Variants in DNAH3 observed in about 807,000 individuals in gnomAD.
The protein encoded by DNAH3 is dynein axonemal heavy chain 3, also known as axonemal beta dynein heavy chain 3.
A neutral mutation model predicts 432.5 loss-of-function variants in DNAH3; 332 were observed. The ratio of observed to expected loss-of-function variants is 0.77; its 90% confidence interval spans 0.70 to 0.84. The LOEUF is 0.84. Ranked by LOEUF, DNAH3 falls within the 40% of genes least tolerant of loss-of-function variation. The pLI, the probability that DNAH3 is intolerant of heterozygous loss-of-function variation, is 0.00. For synonymous variants in DNAH3, 1,956 were observed against 1,900.2 expected (o/e 1.03, Z -0.76); for missense variants, 4,861 against 5,114.0 (o/e 0.95, Z 1.51).
chr16:20,978,300 GAGC>G (rs2085690653), intron 50 of DNAH3, among the ~76,000 whole-genome samples: 2 of 152,108 alleles, frequency 1.3e-5, no homozygotes. Flanking sequence ...AGGCCGAGGT[GAGC>G]AGATCACCTG....
intron 51 of DNAH3, among the ~76,000 whole-genome samples, chr16:20,974,462 G>A (rs1597015833): frequency 6.6e-6 from 1 of 151,830 alleles, no homozygotes; most frequent in South Asian, 2.1e-4. Flanking sequence ...GGATTGCAGT[G>A]GCACGATCCT....
intron 55 of DNAH3, among the ~76,000 whole-genome samples, chr16:20,954,425 G>T (rs552502985): frequency 1.3e-5 from 2 of 151,388 alleles, no homozygotes; most frequent in Non-Finnish European, 1.5e-5. Context: ...AAATAGCTGG[G>T]ATTATAGGCG....
chr16:20,998,595 T>C (rs1188621487), intron 43 of DNAH3, among the ~76,000 whole-genome samples: 2 of 151,818 alleles, frequency 1.3e-5, no homozygotes, highest in African/African-American at 4.8e-5. Context: ...GACAAGAATA[T>C]ATTAAGACTT....
At chr16:21,121,632 CG>C (rs1567827582) in intron 10 of DNAH3, among the ~76,000 whole-genome samples, 1 of 141,512 alleles carries the variant, frequency 7.1e-6, no homozygotes, top group African/African-American at 2.7e-5. Context: ...GATGGAGTCT[CG>C]CTCTGTCGCC....
intron 38 of DNAH3, 77 bp downstream of exon 38, chr16:21,026,941 CATTTGTGAA>C (rs2088594821): frequency 1.1e-6 from 1 of 928,976 alleles, no homozygotes; most frequent in Non-Finnish European, 1.7e-6. Context: ...GGCTTCATCA[CATTTGTGAA>C]ATTTGAGAGC....
At chr16:21,067,766 G>GTGGGGGGGGGA (rs1350001665) in intron 23 of DNAH3, among the ~76,000 whole-genome samples, 1 of 38,704 alleles carries the variant, frequency 2.6e-5, no homozygotes, top group African/African-American at 1.3e-4. Flanking sequence ...TTGGGGGGGG[G>GTGGGGGGGGGA]GGTGGGGAGG....
chr16:21,150,597 C>T (rs1419993453), intron 1 of DNAH3, 63 bp from the exon 2 acceptor site: 3 of 198,486 alleles, frequency 1.5e-5, no homozygotes, highest in Non-Finnish European at 3.1e-5. Context: ...TTCTGCTGCG[C>T]TTTTGGCTCT....
At chr16:21,082,844 TAAC>T (rs2091240649) in intron 19 of DNAH3, among the ~76,000 whole-genome samples, 1 of 148,668 alleles carries the variant, frequency 6.7e-6, no homozygotes, top group Non-Finnish European at 1.5e-5. Flanking sequence ...AAAAAAAAAT[TAAC>T]ACAAATGGCT....
Position 21,039,755 on chromosome 16 carries a change from C to T in DNAH3, c.4730+97G>A, listed in dbSNP as rs568557443. ...GCAGAAGCAAGTTTCTCAAGCTTCT[C>T]TCTCTTCTTCCAATGGGCAAACCAC... On this transcript the variant is annotated intron_variant, in intron 33 of 61. Coordinates refer to ENST00000261383, the Ensembl canonical transcript of DNAH3. 7.5e-6 allele frequency: 7 copies of T among 935,052 alleles called. No individual in the cohort carries two copies. The Admixed American group carries it at 1.2e-4, about 16-fold the overall frequency. 57.9% of individuals were successfully genotyped at this position (935,052 alleles called of 1,614,324 possible). A position where few individuals can be genotyped will look rare whatever the true frequency, so the allele number is the denominator to read the frequency against.
exon 53 of DNAH3, chr16:20,964,542 C>T (rs2084965861): frequency 3.7e-6 from 6 of 1,614,092 alleles, no homozygotes; most frequent in East Asian, 2.2e-5. Context: ...CGTTTTCCAG[C>T]ATCCTCATGT....
chr16:21,019,499 T>C, intron 41 of DNAH3, 125 bp downstream of exon 41: 2 of 1,034,322 alleles, frequency 1.9e-6, no homozygotes, highest in Non-Finnish European at 2.9e-6. Context: ...TACATATTTA[T>C]TAGCCACCGT....
intron 51 of DNAH3, among the ~76,000 whole-genome samples, chr16:20,974,165 G>A (rs1406566724): frequency 6.6e-6 from 1 of 152,014 alleles, no homozygotes; most frequent in Non-Finnish European, 1.5e-5. Flanking sequence ...GACCATAGGT[G>A]CATGCCACCA....
chr16:20,939,576 C>CACT (rs1439022358), intron 59 of DNAH3, among the ~76,000 whole-genome samples: 4 of 149,348 alleles, frequency 2.7e-5, no homozygotes, highest in Non-Finnish European at 1.5e-5. Flanking sequence ...CGCGCCACTG[C>CACT]ACTCCAGTCT....
exon 6 of DNAH3, chr16:21,136,335 A>G: frequency 6.2e-7 from 1 of 1,613,836 alleles, no homozygotes; most frequent in Non-Finnish European, 8.5e-7. Context: ...GATGCTTTTC[A>G]TGAGGCTACA....
chr16:20,979,346 T>A, exon 50 of DNAH3: 1 of 1,614,074 alleles, frequency 6.2e-7, no homozygotes, highest in Non-Finnish European at 8.5e-7. Context: ...AGCTGCAAAG[T>A]CGAGTTTCTG....
intron 25 of DNAH3, among the ~76,000 whole-genome samples, 165 bp from the exon 26 acceptor site, chr16:21,060,521 T>TC (rs1567719431): frequency 8.3e-6 from 1 of 120,678 alleles, no homozygotes; most frequent in Admixed American, 9.9e-5. Flanking sequence ...TTTCTTTTTT[T>TC]TTTTCTTTTT....
intron 61 of DNAH3, among the ~76,000 whole-genome samples, chr16:20,934,493 C>T (rs1446533791): frequency 6.6e-6 from 1 of 152,138 alleles, no homozygotes; most frequent in African/African-American, 2.4e-5. Context: ...AATCATCTAA[C>T]ACAAAGTCTG....
chr16:21,036,902 C>A lies in DNAH3; in HGVS notation c.4951-54G>T, dbSNP rs1247416815. On this transcript the variant is annotated intron_variant, in intron 34 of 61. Transcript: ENST00000261383. ...AAAGGATAAAGTATCAGATATATGACCTCAACATTTTCCTAAAATGAGATG... is the reference window on the plus strand; with the variant it reads ...AAAGGATAAAGTATCAGATATATGAACTCAACATTTTCCTAAAATGAGATG... The A allele has an allele frequency of 4.9e-6, 7 of 1,440,834 alleles. No individual in the cohort carries two copies. The East Asian group carries it at 1.4e-4, about 28-fold the overall frequency. The allele number at this position is 1,440,834 out of a possible 1,614,324, so 89.3% of individuals were successfully genotyped here.
chr16:21,054,209 A>T (rs1445337300), intron 28 of DNAH3, among the ~76,000 whole-genome samples: 1 of 152,162 alleles, frequency 6.6e-6, no homozygotes, highest in Non-Finnish European at 1.5e-5. Context: ...CCCTGCTTGG[A>T]GGGTCCCTGG....
Sources: allele counts gnomAD v4.1 joint callset (sites outside exome capture counted in the v4.1 genomes callset), GRCh38; gene constraint gnomAD v4.1.1; transcripts MANE v1.5; gene names NCBI Gene and HGNC (gene_info 2026-07-23, HGNC 2026-07-21).